The following MSRA variants were observed in gnomAD, a reference collection of about 807,000 sequenced individuals.
MSRA encodes methionine sulfoxide reductase A, also known as mitochondrial peptide methionine sulfoxide reductase.
MSRA carries 54 observed loss-of-function variants against 31.3 expected under a neutral mutation model. That is an observed-to-expected ratio of 1.73 (90% CI 1.39 to 2.17). MSRA has a LOEUF of 2.17. Among genes scored for constraint, MSRA ranks in the 30% most tolerant of loss-of-function variants. The pLI is 0.00. For missense variants in MSRA, 507 were observed against 300.9 expected (o/e 1.69, Z -5.07); for synonymous variants, 169 against 116.5 (o/e 1.45, Z -2.90).
intron 5 of MSRA, among the ~76,000 whole-genome samples, chr8:10,422,837 T>A (rs1203881539): frequency 6.6e-6 from 1 of 152,206 alleles, no homozygotes; most frequent in Non-Finnish European, 1.5e-5. Flanking sequence ...CTTTCCAGGC[T>A]TTTGAACCAA....
chr8:10,315,657 G>C (rs6994060), intron 4 of MSRA, among the ~76,000 whole-genome samples: 3 of 152,142 alleles, frequency 2.0e-5, no homozygotes, highest in African/African-American at 7.2e-5. Context: ...ATGTGTGCTT[G>C]GTACTGATTT....
At chr8:10,368,764 C>G (rs938579711) in intron 5 of MSRA, among the ~76,000 whole-genome samples, 1 of 152,242 alleles carries the variant, frequency 6.6e-6, no homozygotes, top group African/African-American at 2.4e-5. Context: ...GTGAATGTCA[C>G]TTCTTCCATT....
chr8:10,283,824 T>TAC (rs1259643918), intron 3 of MSRA, among the ~76,000 whole-genome samples: 7 of 69,006 alleles, frequency 1.0e-4, no homozygotes, highest in East Asian at 5.4e-4. Flanking sequence ...TATATATATA[T>TAC]ATATATATAT....
intron 1 of MSRA, among the ~76,000 whole-genome samples, chr8:10,156,855 T>C (rs571088637): frequency 6.6e-6 from 1 of 151,342 alleles, no homozygotes; most frequent in African/African-American, 2.4e-5. Context: ...TTGGATTCTT[T>C]ACTTAGTCAA....
At chr8:10,085,439 A>G (rs968307502) in intron 1 of MSRA, among the ~76,000 whole-genome samples, 7 of 152,122 alleles carry the variant, frequency 4.6e-5, no homozygotes, top group African/African-American at 1.2e-4. Flanking sequence ...ATATCTAATA[A>G]CTTCCATGGA....
chr8:10,222,496 A>G (rs1343436597), intron 2 of MSRA, among the ~76,000 whole-genome samples: 1 of 152,100 alleles, frequency 6.6e-6, no homozygotes, highest in African/African-American at 2.4e-5. Context: ...CAACAATTCT[A>G]CTTCTTCATA....
chr8:10,392,642 CT>C (rs1806818710), intron 5 of MSRA, among the ~76,000 whole-genome samples: 1 of 151,662 alleles, frequency 6.6e-6, no homozygotes, highest in Non-Finnish European at 1.5e-5. Flanking sequence ...ACACCTCATC[CT>C]GTCATTTGCC....
intron 1 of MSRA, among the ~76,000 whole-genome samples, chr8:10,141,081 CA>C (rs1802665232): frequency 6.6e-6 from 1 of 152,116 alleles, no homozygotes; most frequent in Admixed American, 6.6e-5. Context: ...CTGTTCTGTC[CA>C]AAGGCACTCA....
At chr8:10,206,112 A>T (rs1241844636) in intron 1 of MSRA, among the ~76,000 whole-genome samples, 1 of 152,060 alleles carries the variant, frequency 6.6e-6, no homozygotes, top group Non-Finnish European at 1.5e-5. Flanking sequence ...TTGGTTTCTG[A>T]CTTGTGATAT....
At chr8:10,228,717 G>C (rs1811209475) in intron 2 of MSRA, among the ~76,000 whole-genome samples, 1 of 152,052 alleles carries the variant, frequency 6.6e-6, no homozygotes, top group Non-Finnish European at 1.5e-5. Flanking sequence ...CTATGTCTTT[G>C]GGCAAGTGGC....
chr8:10,198,945 C>T (rs1808238839), intron 1 of MSRA, among the ~76,000 whole-genome samples: 1 of 152,168 alleles, frequency 6.6e-6, no homozygotes, highest in Non-Finnish European at 1.5e-5. Context: ...CTCACTGAAG[C>T]CTGGTCAGTG....
intron 1 of MSRA, among the ~76,000 whole-genome samples, chr8:10,097,140 C>T (rs1799213506): frequency 6.6e-6 from 1 of 152,068 alleles, no homozygotes; most frequent in Non-Finnish European, 1.5e-5. Flanking sequence ...AGTGACACAT[C>T]AGCAATCCTG....
At chr8:10,353,628 G>A (rs1309309024) in intron 5 of MSRA, 4 of 456,120 alleles carry the variant, frequency 8.8e-6, no homozygotes, top group Non-Finnish European at 1.8e-5. Context: ...ACCCAAGCAT[G>A]TTCACTGGAA....
intron 5 of MSRA, among the ~76,000 whole-genome samples, chr8:10,342,693 G>T (rs996434277): frequency 6.6e-6 from 1 of 152,160 alleles, no homozygotes; most frequent in African/African-American, 2.4e-5. Flanking sequence ...CCTTACAGAC[G>T]AGGAACCTGA....
intron 3 of MSRA, among the ~76,000 whole-genome samples, chr8:10,295,203 TG>T (rs1342227142): frequency 6.6e-6 from 1 of 152,050 alleles, no homozygotes; most frequent in Non-Finnish European, 1.5e-5. Context: ...TCCGGGGCAT[TG>T]GGTTCTCAGG....
At chr8:10,106,054 C>G (rs759651224) in intron 1 of MSRA, among the ~76,000 whole-genome samples, 4 of 152,220 alleles carry the variant, frequency 2.6e-5, no homozygotes, top group African/African-American at 9.7e-5. Context: ...TATAGGAACC[C>G]TCCTTGGTTG....
intron 1 of MSRA, among the ~76,000 whole-genome samples, chr8:10,142,561 C>G (rs911430049): frequency 1.3e-5 from 2 of 152,340 alleles, no homozygotes; most frequent in Middle Eastern, 3.4e-3. Flanking sequence ...TTTCCCCTCT[C>G]CTGGAAGGAG....
intron 1 of MSRA, among the ~76,000 whole-genome samples, chr8:10,185,201 G>C (rs1470276773): frequency 6.8e-6 from 1 of 146,232 alleles, no homozygotes. Context: ...ATTGGTGACT[G>C]AGGGACAGCT....
chr8:10,305,962 T>G (rs1475896560), intron 4 of MSRA, among the ~76,000 whole-genome samples: 1 of 152,234 alleles, frequency 6.6e-6, no homozygotes, highest in African/African-American at 2.4e-5. Context: ...ACCTCTACTT[T>G]TGCTGAAACA....
Sources: gnomAD v4.1 joint callset for allele counts (sites outside exome capture counted in the v4.1 genomes callset) on GRCh38, gnomAD v4.1.1 for gene constraint, MANE v1.5 for transcripts, NCBI Gene and HGNC (gene_info 2026-07-23, HGNC 2026-07-21) for gene names.